Variants in KLHL24 observed in about 807,000 individuals in gnomAD.
KLHL24 encodes kelch-like protein 24.
KLHL24 carries 29 observed loss-of-function variants against 53.4 expected under a neutral mutation model. The observed-to-expected ratio is 0.54, with a 90% CI of 0.40 to 0.74. The LOEUF (loss-of-function observed/expected upper bound fraction) is 0.74, where lower values mean the gene tolerates loss of function less well. Ranked by LOEUF, KLHL24 falls within the 30% of genes least tolerant of loss-of-function variation. The pLI is 0.00. For synonymous variants in KLHL24, 222 were observed against 253.7 expected, an observed-to-expected ratio of 0.88 and a Z score of 1.19; for missense variants, 504 against 744.0, an observed-to-expected ratio of 0.68 and a Z score of 3.75.
At chr3:183,636,498 C>T (rs1436414029) in intron 1 of KLHL24, 1 of 152,244 alleles carries the variant, frequency 6.6e-6, no homozygotes, top group African/African-American at 2.4e-5. Context: ...GGGCGTTCCG[C>T]CGGCGCAGTC....
chr3:183,650,807 C>G lies in KLHL24; in HGVS notation c.451C>G (p.Leu151Val). 6.2e-7 allele frequency: 1 copy of G among 1,613,986 alleles called. No homozygotes were observed. Among genetic ancestry groups the G allele is most frequent in the Admixed American group, 1.7e-5 (1 of 60,008 alleles). The change falls in exon 3 of 8, where the codon CTC becomes GTC. Residue 151 changes from leucine (L) to valine (V), a missense_variant. By Grantham distance (32) the Leu-to-Val change is conservative (BLOSUM62 1). Coordinates refer to ENST00000242810, the MANE Select transcript of KLHL24 (RefSeq NM_017644.3). The surrounding 1 kb of genome is among the most constrained non-coding windows in gnomAD (Gnocchi z 4.5). Reference protein sequence around the residue: ...ETSSLFQISVLRDACAKFLEE... With the variant: ...ETSSLFQISVVRDACAKFLEE... ...ATCAAGCCTCTTTCAGATTAGTGTTCTCCGTGATGCATGTGCCAAGTTCTT... is the reference window on the plus strand; with the variant it reads ...ATCAAGCCTCTTTCAGATTAGTGTTGTCCGTGATGCATGTGCCAAGTTCTT...
At chr3:183,671,310 T>C (rs2108874849) in intron 6 of KLHL24, 88 bp downstream of exon 6, 2 of 1,161,590 alleles carry the variant, frequency 1.7e-6, no homozygotes, top group Non-Finnish European at 2.4e-6. Flanking sequence ...CCAGGTCACA[T>C]AGTGTGAGGG....
chr3:183,638,012 A>C (rs1271452264), intron 1 of KLHL24, among the ~76,000 whole-genome samples: 1 of 152,234 alleles, frequency 6.6e-6, no homozygotes, highest in Non-Finnish European at 1.5e-5. Flanking sequence ...TGAAGCAGGA[A>C]TTGAATATGA....
chr3:183,677,784 G>T (rs1712143848), intron 7 of KLHL24, among the ~76,000 whole-genome samples: 1 of 151,902 alleles, frequency 6.6e-6, no homozygotes, highest in Non-Finnish European at 1.5e-5. Flanking sequence ...AGGGTTTTTT[G>T]TTTGTTTGTT....
Position 183,682,552 on chromosome 3 carries a change from A to G in KLHL24, c.*3266A>G, listed in dbSNP as rs975639432. The G allele has an allele frequency of 3.3e-5, 5 of 152,602 alleles. No homozygotes were observed. Among genetic ancestry groups the G allele is most frequent in the African/African-American group, 9.7e-5 (4 of 41,446 alleles). 9.5% of individuals were successfully genotyped at this position (152,602 alleles called of 1,614,324 possible). A position where few individuals can be genotyped will look rare whatever the true frequency, so the allele number is the denominator to read the frequency against. Reference sequence around the variant, plus strand: ...AAGTGCCATGACTGAATAATCTTCAATTCATGATTCTAGAGTAAGTTTAAT... The same window carrying G: ...AAGTGCCATGACTGAATAATCTTCAGTTCATGATTCTAGAGTAAGTTTAAT... On this transcript the variant is annotated 3_prime_UTR_variant, in exon 8 of 8. Coordinates refer to ENST00000242810, the MANE Select transcript of KLHL24 (RefSeq NM_017644.3).
intron 2 of KLHL24, among the ~76,000 whole-genome samples, chr3:183,645,179 C>T (rs1402132754): frequency 6.6e-6 from 1 of 152,172 alleles, no homozygotes; most frequent in African/African-American, 2.4e-5. Context: ...CATGTCATCA[C>T]AGTTTATGTT....
chr3:183,653,145 C>T (rs1718362935), intron 3 of KLHL24, among the ~76,000 whole-genome samples: 3 of 152,150 alleles, frequency 2.0e-5, no homozygotes, highest in African/African-American at 7.2e-5. Flanking sequence ...TTATAAATTG[C>T]AGTATCACCG....
At chr3:183,656,373 C>T (rs530111595) in intron 3 of KLHL24, among the ~76,000 whole-genome samples, 18 of 152,214 alleles carry the variant, frequency 1.2e-4, no homozygotes, top group African/African-American at 3.9e-4. Context: ...TTTCTTCCTT[C>T]GGCCCTCTTC....
At chr3:183,642,892 C>G (rs1049398705) in intron 1 of KLHL24, 3 of 152,152 alleles carry the variant, frequency 2.0e-5, no homozygotes, top group Admixed American at 2.0e-4. Context: ...TTCTTTTACT[C>G]ATTTTTCACT....
At chr3:183,675,665 G>A (rs1263649962) in intron 7 of KLHL24, among the ~76,000 whole-genome samples, 1 of 151,984 alleles carries the variant, frequency 6.6e-6, no homozygotes, top group Non-Finnish European at 1.5e-5. Flanking sequence ...GGGTGCAGTG[G>A]CTCATGCATA....
At chr3:183,651,408 G>T in intron 3 of KLHL24, 132 bp downstream of exon 3, 1 of 632,072 alleles carries the variant, frequency 1.6e-6, no homozygotes, top group Non-Finnish European at 2.7e-6. Context: ...GATTTATTTT[G>T]GATTATATGT....
At chr3:183,648,318 G>A (rs1009396726) in intron 2 of KLHL24, among the ~76,000 whole-genome samples, 8 of 152,224 alleles carry the variant, frequency 5.3e-5, no homozygotes, top group African/African-American at 1.4e-4. Flanking sequence ...TTGATGTTAC[G>A]TATTTTATTT....
chr3:183,655,034 A>G (rs1718653031), intron 3 of KLHL24, among the ~76,000 whole-genome samples: 1 of 152,172 alleles, frequency 6.6e-6, no homozygotes, highest in Non-Finnish European at 1.5e-5. Context: ...CCTCCAATGT[A>G]CGGTTAAGTT....
chr3:183,678,985 C>G, intron 7 of KLHL24, 101 bp from the exon 8 acceptor site: 1 of 897,614 alleles, frequency 1.1e-6, no homozygotes, highest in Non-Finnish European at 1.8e-6. Context: ...TCATGTCTCC[C>G]TTTTTTTTGA....
Position 183,650,214 on chromosome 3 carries a change from A to T in KLHL24, c.-61-82A>T. The T allele has an allele frequency of 1.6e-6, 1 of 622,392 alleles. No individual in the cohort carries two copies. The highest frequency in any genetic ancestry group is 2.8e-6 in the Non-Finnish European group (1 of 360,004). The allele number at this position is 622,392 out of a possible 1,614,324, so 38.6% of individuals were successfully genotyped here. A position where few individuals can be genotyped will look rare whatever the true frequency, so the allele number is the denominator to read the frequency against. On this transcript the variant is annotated intron_variant, in intron 2 of 7. Coordinates refer to ENST00000242810, the MANE Select transcript of KLHL24 (RefSeq NM_017644.3). This position sits in a 1 kb window ranked among gnomAD's most constrained non-coding sequence, Gnocchi z 4.5. ...GAAATATATTATGTGATTTTGTTGTAGTGTTTATATTAAAATGAAATTATG... is the reference window on the plus strand; with the variant it reads ...GAAATATATTATGTGATTTTGTTGTTGTGTTTATATTAAAATGAAATTATG...
At chr3:183,661,677 A>C (rs1719819612) in intron 3 of KLHL24, among the ~76,000 whole-genome samples, 1 of 152,214 alleles carries the variant, frequency 6.6e-6, no homozygotes, top group African/African-American at 2.4e-5. Context: ...TCTGTTCCAA[A>C]GTACAAAAAC....
In KLHL24 at chr3:183,663,504, C is replaced by T; in HGVS notation, c.967C>T (p.Arg323Ter). 3.2e-6 allele frequency: 5 copies of T among 1,577,888 alleles called. No homozygotes were observed. Among genetic ancestry groups the T allele is most frequent in the East Asian group, 2.3e-5 (1 of 43,472 alleles). The change falls in exon 4 of 8, where the codon CGA (arginine) becomes TGA (stop). Residue 323 changes from arginine to a stop codon, truncating the protein, a stop_gained. Coordinates refer to ENST00000242810, the MANE Select transcript of KLHL24 (RefSeq NM_017644.3). LOFTEE classifies it high-confidence loss of function. This position sits in a 1 kb window ranked among gnomAD's most constrained non-coding sequence, Gnocchi z 4.9. ...GATAGTTGTCGTTGGAGGATGTGAG[C>T]GAGTTGGAGGATTTAATCTTCCATA... is the stretch of plus-strand genomic sequence containing the variant. ...EVIVVVGGCE[R>*]VGGFNLPYTE...
intron 3 of KLHL24, among the ~76,000 whole-genome samples, chr3:183,662,843 C>T (rs1719997537): frequency 6.6e-6 from 1 of 152,128 alleles, no homozygotes. Flanking sequence ...GCCTAATGTA[C>T]AGTTTTTCAT....
chr3:183,679,536 A>T lies in KLHL24; in HGVS notation c.*250A>T. ...TGGCCTTTGAAGAGTGTACCTTTGT[A>T]AGTATTTGTAAGAAGTCTATGTGAA... is the stretch of plus-strand genomic sequence containing the variant. On this transcript the variant is annotated 3_prime_UTR_variant, in exon 8 of 8. Transcript: ENST00000242810. 4.8e-6 allele frequency: 2 copies of T among 419,560 alleles called. No homozygotes were observed. Among genetic ancestry groups the T allele is most frequent in the South Asian group, 6.2e-5 (2 of 32,456 alleles). The allele number at this position is 419,560 out of a possible 1,614,324, so 26.0% of individuals were successfully genotyped here.
Sources: allele counts gnomAD v4.1 joint callset (sites outside exome capture counted in the v4.1 genomes callset), GRCh38; gene constraint gnomAD v4.1.1; non-coding constraint Gnocchi (gnomAD v3.1); transcripts MANE v1.5; gene names NCBI Gene and HGNC (gene_info 2026-07-23, HGNC 2026-07-21).